The following EXOC2 variants were observed in gnomAD, a reference collection of about 807,000 sequenced individuals.
EXOC2 encodes SEC5-like 1.
In EXOC2, 70 loss-of-function variants were observed where a neutral mutation model predicts 131.8. The observed-to-expected ratio is 0.53, with a 90% confidence interval of 0.44 to 0.65. The LOEUF (loss-of-function observed/expected upper bound fraction) is 0.65, where lower values mean the gene tolerates loss of function less well. EXOC2 is among the 30% of genes least tolerant of loss of function. The pLI is 0.00. For synonymous variants in EXOC2, 411 were observed against 398.4 expected (o/e 1.03, Z -0.38); for missense variants, 923 against 1,108.6 (o/e 0.83, Z 2.38).
intron 24 of EXOC2, among the ~76,000 whole-genome samples, chr6:499,214 T>G (rs568815503): frequency 3.3e-4 from 51 of 152,316 alleles, no homozygotes; most frequent in African/African-American, 1.2e-3. Flanking sequence ...AAGCAGTGTC[T>G]GCCTTTCTGG....
At chr6:632,628 C>T (rs754221503) in intron 3 of EXOC2, among the ~76,000 whole-genome samples, 22 of 152,138 alleles carry the variant, frequency 1.4e-4, no homozygotes, top group Non-Finnish European at 2.5e-4. Context: ...GAGTTTAAAG[C>T]AATGTCATTA....
chr6:547,604 T>C (rs1237565355), intron 22 of EXOC2, among the ~76,000 whole-genome samples: 5 of 152,244 alleles, frequency 3.3e-5, no homozygotes, highest in African/African-American at 4.8e-5. Flanking sequence ...AAATAGACTT[T>C]ACTTGGTTGG....
intron 3 of EXOC2, among the ~76,000 whole-genome samples, chr6:630,317 C>G (rs1336777515): frequency 6.6e-6 from 1 of 152,102 alleles, no homozygotes; most frequent in African/African-American, 2.4e-5. Context: ...ATTAAATCTG[C>G]ACAAAAAATT....
At chr6:492,709 TAGAA>T (rs1180071630) in intron 25 of EXOC2, among the ~76,000 whole-genome samples, 5 of 152,096 alleles carry the variant, frequency 3.3e-5, no homozygotes, top group African/African-American at 1.2e-4. Context: ...ATCATAGAGA[TAGAA>T]AGCCAATTGG....
chr6:576,755 AC>A lies in EXOC2; in HGVS notation c.1318+1del, dbSNP rs1194302013. 3 of 1,613,362 alleles carry A rather than the reference AC, an allele frequency of 1.9e-6. No individual in the cohort carries two copies. The highest frequency in any genetic ancestry group is 2.5e-6 in the Non-Finnish European group (3 of 1,179,650). ...CCAGTGGCAGTGGAGGGAGATACTT[AC>A]TGTCGTCTCGACCAGACTGAAAGCT... is the stretch of plus-strand genomic sequence containing the variant. On this transcript the variant is annotated splice_donor_variant, in intron 12 of 27. Coordinates refer to ENST00000230449, the MANE Select transcript of EXOC2 (RefSeq NM_018303.6). LOFTEE classifies it high-confidence loss of function.
intron 23 of EXOC2, among the ~76,000 whole-genome samples, chr6:510,292 T>C (rs976977061): frequency 6.6e-6 from 1 of 152,142 alleles, no homozygotes; most frequent in African/African-American, 2.4e-5. Context: ...ATTTTTTCAA[T>C]GACTATTTGA....
At chr6:684,229 GTCT>G (rs1337088371) in intron 1 of EXOC2, among the ~76,000 whole-genome samples, 2 of 152,162 alleles carry the variant, frequency 1.3e-5, no homozygotes, top group Non-Finnish European at 2.9e-5. Context: ...AGACAGGAGA[GTCT>G]TCCCTATGTG....
intron 7 of EXOC2, among the ~76,000 whole-genome samples, chr6:606,612 G>A (rs1051959398): frequency 1.2e-4 from 19 of 152,284 alleles, no homozygotes; most frequent in African/African-American, 4.1e-4. Context: ...CTTTCTAAGC[G>A]TGAATCAACT....
At chr6:561,237 G>A (rs1757683706) in intron 17 of EXOC2, among the ~76,000 whole-genome samples, 1 of 152,144 alleles carries the variant, frequency 6.6e-6, no homozygotes. Context: ...CCAGCCCCCA[G>A]AAGACAGTCC....
chr6:604,295 T>C (rs139352451), intron 7 of EXOC2, among the ~76,000 whole-genome samples: 4 of 152,166 alleles, frequency 2.6e-5, no homozygotes, highest in African/African-American at 7.2e-5. Context: ...CTATGTAACA[T>C]GTCAAACCTT....
At chr6:586,887 T>C (rs1759239549) in intron 11 of EXOC2, among the ~76,000 whole-genome samples, 1 of 152,212 alleles carries the variant, frequency 6.6e-6, no homozygotes, top group Non-Finnish European at 1.5e-5. Context: ...TCCTGTGGCT[T>C]CTCTGAGACA....
At chr6:518,185 CCTTAT>C (rs1264522613) in intron 23 of EXOC2, among the ~76,000 whole-genome samples, 1 of 152,144 alleles carries the variant, frequency 6.6e-6, no homozygotes, top group African/African-American at 2.4e-5. Context: ...AAAAATCAGT[CCTTAT>C]CTTATCTGTG....
chr6:527,515 C>A (rs1765813510), intron 23 of EXOC2, among the ~76,000 whole-genome samples: 1 of 152,272 alleles, frequency 6.6e-6, no homozygotes, highest in Non-Finnish European at 1.5e-5. Flanking sequence ...GCTTGGCACA[C>A]TGCCTGGACA....
chr6:582,348 T>A (rs1254777281), intron 11 of EXOC2, among the ~76,000 whole-genome samples: 3 of 152,168 alleles, frequency 2.0e-5, no homozygotes, highest in African/African-American at 4.8e-5. Context: ...TATTTTCTCA[T>A]CCTTCATGCC....
intron 10 of EXOC2, among the ~76,000 whole-genome samples, chr6:594,650 G>A (rs3799313): frequency 0.093 from 14,201 of 152,218 alleles, 1,167 homozygotes; most frequent in African/African-American, 0.22. Context: ...AATGTTGACT[G>A]TGTCCTTGCA....
At chr6:591,137 A>C (rs908148423) in intron 11 of EXOC2, among the ~76,000 whole-genome samples, 3 of 152,068 alleles carry the variant, frequency 2.0e-5, no homozygotes, top group Admixed American at 6.5e-5. Context: ...CACCACCTCC[A>C]CATCAGGTGG....
chr6:572,474 A>G, intron 13 of EXOC2, 46 bp downstream of exon 13: 1 of 1,573,248 alleles, frequency 6.4e-7, no homozygotes, highest in East Asian at 2.3e-5. Flanking sequence ...AAGACCAGAA[A>G]TGCACGGTGA....
At chr6:619,069 T>G (rs535471910) in intron 5 of EXOC2, among the ~76,000 whole-genome samples, 1 of 152,228 alleles carries the variant, frequency 6.6e-6, no homozygotes, top group Non-Finnish European at 1.5e-5. Context: ...GTGTGTTCCA[T>G]GTTTTACCCC....
intron 23 of EXOC2, among the ~76,000 whole-genome samples, chr6:514,673 C>A (rs1484304137): frequency 6.6e-6 from 1 of 152,122 alleles, no homozygotes; most frequent in Non-Finnish European, 1.5e-5. Context: ...CCAGGGAGGC[C>A]AAAGGGGTCG....
Sources: gnomAD v4.1 joint callset for allele counts (sites outside exome capture counted in the v4.1 genomes callset) on GRCh38, gnomAD v4.1.1 for gene constraint, MANE v1.5 for transcripts, NCBI Gene and HGNC (gene_info 2026-07-23, HGNC 2026-07-21) for gene names.